ZIM3: variants seen among roughly 807,000 people sequenced by gnomAD.
ZIM3 encodes the protein zinc finger imprinted 3.
A neutral mutation model predicts 12.9 loss-of-function variants in ZIM3; 11 were observed. The observed-to-expected ratio is 0.85, with a 90% CI of 0.54 to 1.41. The LOEUF (loss-of-function observed/expected upper bound fraction) is 1.41, where lower values mean the gene tolerates loss of function less well. Ranked by LOEUF, ZIM3 falls within the 40% of genes most tolerant of loss-of-function variation. The pLI is 0.00. For synonymous variants in ZIM3, 205 were observed against 198.5 expected (o/e 1.03, Z -0.28); for missense variants, 604 against 557.2 (o/e 1.08, Z -0.85).
chr19:57,135,664 A>G lies in ZIM3; in HGVS notation c.673T>C (p.Cys225Arg), dbSNP rs2086882952. The G allele has an allele frequency of 6.2e-7, 1 of 1,612,778 alleles. No homozygotes were observed. The highest frequency in any genetic ancestry group is 1.1e-5 in the South Asian group (1 of 91,064). The change falls in exon 5 of 5, where the codon TGT (cysteine) becomes CGT (arginine). Residue 225 changes from cysteine (C) to arginine (R), a missense_variant. Physicochemically the swap from Cys to Arg is radical, Grantham distance 180 (BLOSUM62 -3). Transcript: ENST00000269834. ...TTGTAGGCATTTCCACAGTTCTCAC[A>G]TTTATAGGGCCTTTCCTCTGCGTGA... ...KTHAEERPYK[C>R]ENCGNAYKQK...
intron 2 of ZIM3, among the ~76,000 whole-genome samples, chr19:57,139,877 A>C (rs1196837808): frequency 6.6e-6 from 1 of 152,162 alleles, no homozygotes; most frequent in African/African-American, 2.4e-5. Context: ...ATTTGGGAGA[A>C]ACAGGTGACA....
At chr19:57,141,443 G>A (rs1278601184) in intron 2 of ZIM3, among the ~76,000 whole-genome samples, 1 of 150,318 alleles carries the variant, frequency 6.7e-6, no homozygotes, top group Non-Finnish European at 1.5e-5. Flanking sequence ...AGATGCTTGA[G>A]CTGAAACCAG....
chr19:57,135,402 C>G lies in ZIM3; in HGVS notation c.935G>C (p.Cys312Ser). 3.7e-6 allele frequency: 6 copies of G among 1,614,068 alleles called. No homozygotes were observed. Among genetic ancestry groups the G allele is most frequent in the Non-Finnish European group, 5.1e-6 (6 of 1,179,994 alleles). ...TGACTTGTAAATGAAAGCCTTTCCACAGTCCGTACATTGAAAGGGTTTTTG... is the reference window on the plus strand; with the variant it reads ...TGACTTGTAAATGAAAGCCTTTCCAGAGTCCGTACATTGAAAGGGTTTTTG... ...TGQKPFQCTD[C>S]GKAFIYKSDL... The change falls in exon 5 of 5, where the codon TGT becomes TCT. Residue 312 changes from cysteine to serine, a missense_variant. Cys to Ser is a moderately radical substitution (Grantham distance 112, BLOSUM62 -1). Transcript: ENST00000269834.
intron 2 of ZIM3, among the ~76,000 whole-genome samples, chr19:57,141,479 GGTTTTTT>G (rs1356675137): frequency 3.3e-5 from 5 of 151,396 alleles, no homozygotes; most frequent in Admixed American, 2.6e-4. Context: ...GACAGTTGTG[GGTTTTTT>G]GTTTTTTGTT....
rs116701236 is a variant in ZIM3 at position 57,136,131 on chromosome 19, C to T, written c.242-36G>A. On this transcript the variant is annotated intron_variant, in intron 4 of 4. Coordinates refer to ENST00000269834, the MANE Select transcript of ZIM3 (RefSeq NM_052882.1). The stretch of plus-strand genomic sequence containing the variant: ...ATACAAAAAAATGTCCTGTGTAAAA[C>T]GTTCCACTCACATGCTTGAAATAAA... 3.2e-3 allele frequency: 4,894 copies of T among 1,548,168 alleles called. 134 individuals carry two copies. The African/African-American group carries it at 0.06, about 19-fold the overall frequency.
chr19:57,135,349 T>C lies in ZIM3; in HGVS notation c.988A>G (p.Thr330Ala). The change falls in exon 5 of 5, where the codon ACG (threonine) becomes GCG (alanine). Residue 330 changes from threonine to alanine, a missense_variant. By Grantham distance (58) the Thr-to-Ala change is moderately conservative (BLOSUM62 0). Transcript: ENST00000269834. Reference protein sequence around the residue: ...SDLVKHQRIHTGEKPYKCSIC... With the variant: ...SDLVKHQRIHAGEKPYKCSIC... ...CTACATTTATAGGGTTTCTCTCCCG[T>C]GTGTATTCTCTGGTGTTTCACAAGA... is the stretch of plus-strand genomic sequence containing the variant. The C allele has an allele frequency of 6.2e-7, 1 of 1,614,060 alleles. No individual in the cohort carries two copies. Among genetic ancestry groups the C allele is most frequent in the South Asian group, 1.1e-5 (1 of 91,078 alleles).
intron 3 of ZIM3, among the ~76,000 whole-genome samples, chr19:57,137,653 C>A (rs1228767859): frequency 6.6e-6 from 1 of 150,640 alleles, no homozygotes; most frequent in African/African-American, 2.5e-5. Flanking sequence ...GCGGAGGTTG[C>A]AGTGAGCCGA....
chr19:57,135,281 A>G lies in ZIM3; in HGVS notation c.1056T>C (p.Asp352=), dbSNP rs151165411. The G allele has an allele frequency of 1.5e-3, 2,358 of 1,614,104 alleles. 33 individuals are homozygous for G. The highest frequency in any genetic ancestry group is 2.9e-4 in the Non-Finnish European group (341 of 1,180,022). Residue 352 remains aspartate (D), a synonymous_variant, in exon 5 of 5, where the codon GAT becomes GAC. Transcript: ENST00000269834. The stretch of plus-strand genomic sequence containing the variant: ...TCTTCCCAGTGTGAATTTTCTCATG[A>G]TCGATGACATTGGATTTCTGGGAAA... ...KAFSQKSNVI[D]HEKIHTGKRA...
intron 4 of ZIM3, 122 bp downstream of exon 4, chr19:57,136,751 C>A: frequency 2.8e-6 from 2 of 708,238 alleles, no homozygotes; most frequent in Non-Finnish European, 4.9e-6. Flanking sequence ...GAGAAAAATA[C>A]CTGGAGATTT....
chr19:57,143,263 G>A (rs1405581398), intron 1 of ZIM3, among the ~76,000 whole-genome samples: 4 of 151,610 alleles, frequency 2.6e-5, no homozygotes, highest in East Asian at 1.9e-4. Context: ...CCCGGGAGGC[G>A]GAGCTTGCAG....
rs533399790 is a variant in ZIM3, at chr19:57,135,972, C to T, written c.365G>A (p.Gly122Glu). The T allele has an allele frequency of 6.2e-7, 1 of 1,614,148 alleles. No homozygotes were observed. Among genetic ancestry groups the T allele is most frequent in the South Asian group, 1.1e-5 (1 of 91,070 alleles). Residue 122 changes from glycine (G) to glutamate (E), a missense_variant, in exon 5 of 5, where the codon GGA (glycine) becomes GAA (glutamate). Physicochemically the swap from Gly to Glu is moderately conservative, Grantham distance 98 (BLOSUM62 -2). Coordinates refer to ENST00000269834, the MANE Select transcript of ZIM3 (RefSeq NM_052882.1). ...GCCCAGTGGAAGTATTTTCTTAGAT[C>T]CGTCACATTCTACACCTTTCTGCGT... is the stretch of plus-strand genomic sequence containing the variant. Reference protein sequence around the residue: ...LTTQKGVECDGSKKILPLGID... With the variant: ...LTTQKGVECDESKKILPLGID...
At chr19:57,136,764 T>A in intron 4 of ZIM3, 109 bp downstream of exon 4, 1 of 816,308 alleles carries the variant, frequency 1.2e-6, no homozygotes, top group Non-Finnish European at 2.0e-6. Context: ...GGAGATTTCT[T>A]CCAGCACTCC....
chr19:57,137,932 A>G (rs868643277), intron 3 of ZIM3, among the ~76,000 whole-genome samples: 61 of 35,524 alleles, frequency 1.7e-3, no homozygotes, highest in East Asian at 2.6e-3. Flanking sequence ...AGAAGGAAGG[A>G]AGGAAGGAAG....
In ZIM3 at chr19:57,135,133, G is replaced by C; in HGVS notation, c.1204C>G (p.Gln402Glu). ...ECNRCGKAFFQKSNLHSHQKT... is the reference protein window; with the variant it reads ...ECNRCGKAFFEKSNLHSHQKT... ...TGATGGCTATGAAGGTTTGACTTCT[G>C]AAAGAAGGCTTTTCCACATCTGTTA... Residue 402 changes from glutamine to glutamate, a missense_variant, in exon 5 of 5, where the codon CAG (glutamine) becomes GAG (glutamate). Physicochemically the swap from Gln to Glu is conservative, Grantham distance 29 (BLOSUM62 2). Transcript: ENST00000269834. 1 of 1,614,138 alleles carries C rather than the reference G, an allele frequency of 6.2e-7. No homozygotes were observed. The highest frequency in any genetic ancestry group is 8.5e-7 in the Non-Finnish European group (1 of 1,180,020).
In ZIM3 at chr19:57,135,905, A is replaced by T. The variant is rs1568458186; in HGVS notation, c.432T>A (p.Asn144Lys). 2 of 1,614,156 alleles carry T rather than the reference A, an allele frequency of 1.2e-6. No homozygotes were observed. The highest frequency in any genetic ancestry group is 2.2e-5 in the East Asian group (1 of 44,868). ...VSSLQHYVQN[N>K]SHDDNGYRKL... ...TTCTGTATCCATTATCATCGTGAGA[A>T]TTATTTTGTACATAGTGTTGCAAGG... is the stretch of plus-strand genomic sequence containing the variant. Residue 144 changes from asparagine to lysine, a missense_variant, in exon 5 of 5, where the codon AAT becomes AAA. Coordinates refer to ENST00000269834, the MANE Select transcript of ZIM3 (RefSeq NM_052882.1).
At chr19:57,138,746 G>C (rs2086901219) in intron 2 of ZIM3, 148 bp from the exon 3 acceptor site, 1 of 1,052,258 alleles carries the variant, frequency 9.5e-7, no homozygotes, top group Non-Finnish European at 1.4e-6. Context: ...AGAGGATCTT[G>C]CCAATGAGCC....
chr19:57,144,062 A>T (rs1225060877), intron 1 of ZIM3, among the ~76,000 whole-genome samples: 1 of 150,294 alleles, frequency 6.7e-6, no homozygotes, highest in Non-Finnish European at 1.5e-5. Flanking sequence ...TTTTTATTTT[A>T]TTTTATTGAG....
chr19:57,135,489 T>G lies in ZIM3; in HGVS notation c.848A>C (p.Glu283Ala). The change falls in exon 5 of 5, where the codon GAA (glutamate) becomes GCA (alanine). Residue 283 changes from glutamate to alanine, a missense_variant. Coordinates refer to ENST00000269834, the MANE Select transcript of ZIM3 (RefSeq NM_052882.1). Reference protein sequence around the residue: ...HNAKKSYQCNECEKSFRQNST... With the variant: ...HNAKKSYQCNACEKSFRQNST... ...GTTCTGCCTGAAGGATTTCTCACAT[T>G]CATTACACTGATAGGATTTCTTGGC... The G allele has an allele frequency of 6.2e-7, 1 of 1,614,164 alleles. No individual in the cohort carries two copies. Among genetic ancestry groups the G allele is most frequent in the African/African-American group, 1.3e-5 (1 of 75,062 alleles).
At chr19:57,141,668 T>G (rs1024998692) in intron 2 of ZIM3, among the ~76,000 whole-genome samples, 37 of 152,034 alleles carry the variant, frequency 2.4e-4, no homozygotes, top group Admixed American at 2.0e-3. Flanking sequence ...CTGGCCAACA[T>G]GGTGAAGCCC....
Sources: allele counts gnomAD v4.1 joint callset (sites outside exome capture counted in the v4.1 genomes callset), GRCh38; gene constraint gnomAD v4.1.1; transcripts MANE v1.5; gene names NCBI Gene and HGNC (gene_info 2026-07-23, HGNC 2026-07-21).